The following PCDHA7 variants were observed in gnomAD, a reference collection of about 807,000 sequenced individuals.
PCDHA7 encodes the protein protocadherin alpha 7, also known as protocadherin alpha-7.
In PCDHA7, 37 loss-of-function variants were observed where a neutral mutation model predicts 57.2. That is an observed-to-expected ratio of 0.65 (90% CI 0.50 to 0.85). PCDHA7 has a LOEUF of 0.85. Ranked by LOEUF, PCDHA7 falls within the 40% of genes least tolerant of loss-of-function variation. PCDHA7 has a pLI of 0.00. For missense variants in PCDHA7, 1,188 were observed against 1,241.8 expected (o/e 0.96, Z 0.65); for synonymous variants, 553 against 558.8 (o/e 0.99, Z 0.15).
chr5:140,966,957 C>T lies in PCDHA7; in HGVS notation c.2356-11992C>T, dbSNP rs868948639. 4 of 1,602,884 alleles carry T rather than the reference C, an allele frequency of 2.5e-6. No individual in the cohort carries two copies. The African/African-American group carries it at 4.0e-5, about 16-fold the overall frequency. ...GCGCTCGTGGGCAACGTGGCTCGCG[C>T]GCTGGGGCTTGAGCTGCGGCGCTTG... On this transcript the variant is annotated intron_variant, in intron 1 of 3. Transcript: ENST00000525929.
At chr5:140,859,957 A>G (rs1554152871) in intron 1 of PCDHA7, 1 of 151,974 alleles carries the variant, frequency 6.6e-6, no homozygotes, top group African/African-American at 2.4e-5. Context: ...ATCAATTGTA[A>G]AAGTCTCAGG....
chr5:140,849,924 G>A, intron 1 of PCDHA7: 1 of 1,598,310 alleles, frequency 6.3e-7, no homozygotes, highest in East Asian at 2.2e-5. Context: ...CATCTTCACG[G>A]TGTCTGCGCG....
At chr5:140,881,377 G>A (rs557722479) in intron 1 of PCDHA7, 222 of 984,702 alleles carry the variant, frequency 2.3e-4, no homozygotes, top group Non-Finnish European at 2.4e-4. Flanking sequence ...AATTGCAGCC[G>A]GCGGCGGTAA....
chr5:140,980,834 C>A (rs1424222678), intron 2 of PCDHA7, among the ~76,000 whole-genome samples: 1 of 151,974 alleles, frequency 6.6e-6, no homozygotes, highest in Non-Finnish European at 1.5e-5. Context: ...AGTTGTGAAC[C>A]TAAATAATAC....
rs577872820 is a variant in PCDHA7, at chr5:140,862,061, T to G, written c.2355+25323T>G. Reference sequence around the variant, plus strand: ...AACCGTCACATTGTTTCTTTGCAACTGATGTCTCCCCTAACATAGAAGCCC... The same window carrying G: ...AACCGTCACATTGTTTCTTTGCAACGGATGTCTCCCCTAACATAGAAGCCC... On this transcript the variant is annotated intron_variant, in intron 1 of 3. Coordinates refer to ENST00000525929, the MANE Select transcript of PCDHA7 (RefSeq NM_018910.3). 26 of 155,902 alleles carry G rather than the reference T, an allele frequency of 1.7e-4. No homozygotes were observed. In the South Asian group the frequency reaches 2.8e-3, roughly 17 times the overall value. 9.7% of individuals were successfully genotyped at this position (155,902 alleles called of 1,614,324 possible).
chr5:140,927,293 C>T (rs782386645), intron 1 of PCDHA7: 5 of 1,614,176 alleles, frequency 3.1e-6, no homozygotes, highest in Non-Finnish European at 3.4e-6. Flanking sequence ...CTGCACATCC[C>T]CGAGTTCCTG....
At position 140,857,848 on chromosome 5, in the gene PCDHA7, T is replaced by C. The variant is rs781886791; in HGVS notation, c.2355+21110T>C. The C allele has an allele frequency of 1.4e-5, 23 of 1,597,666 alleles. No homozygotes were observed. The highest frequency in any genetic ancestry group is 1.9e-5 in the Non-Finnish European group (22 of 1,167,550). The stretch of plus-strand genomic sequence containing the variant: ...AGGTGCGCGCAGTGGACGCTGACTC[T>C]GGATACAACGCGTGGCTGTCGTATG... On this transcript the variant is annotated intron_variant, in intron 1 of 3. Coordinates refer to ENST00000525929, the MANE Select transcript of PCDHA7 (RefSeq NM_018910.3).
chr5:140,965,012 C>T (rs1405445486), intron 1 of PCDHA7, among the ~76,000 whole-genome samples: 2 of 152,188 alleles, frequency 1.3e-5, no homozygotes, highest in African/African-American at 4.8e-5. Flanking sequence ...GTCAGGATCA[C>T]AACCTTGGCT....
At chr5:140,895,647 C>A (rs954657912) in intron 1 of PCDHA7, among the ~76,000 whole-genome samples, 2 of 151,996 alleles carry the variant, frequency 1.3e-5, no homozygotes, top group African/African-American at 4.8e-5. Flanking sequence ...TTTTTAGCTC[C>A]CACTTATAAG....
At chr5:140,927,290 T>C in intron 1 of PCDHA7, 1 of 1,614,054 alleles carries the variant, frequency 6.2e-7, no homozygotes, top group South Asian at 1.1e-5. Flanking sequence ...CAGCTGCACA[T>C]CCCCGAGTTC....
rs2098422926 is a variant in PCDHA7 at position 141,012,085 on chromosome 5, G to A, written c.*2148G>A. The A allele has an allele frequency of 1.3e-5, 2 of 153,740 alleles. No homozygotes were observed. Among genetic ancestry groups the A allele is most frequent in the Admixed American group, 1.3e-4 (2 of 15,280 alleles). 9.5% of individuals were successfully genotyped at this position (153,740 alleles called of 1,614,324 possible). A position where few individuals can be genotyped will look rare whatever the true frequency, so the allele number is the denominator to read the frequency against. ...ACATGTGAACCATTGCTACATTGTAGGTTGTGATCATTTTGCCCCACTGAA... is the reference window on the plus strand; with the variant it reads ...ACATGTGAACCATTGCTACATTGTAAGTTGTGATCATTTTGCCCCACTGAA... On this transcript the variant is annotated 3_prime_UTR_variant, in exon 4 of 4. Coordinates refer to ENST00000525929, the MANE Select transcript of PCDHA7 (RefSeq NM_018910.3).
chr5:140,858,834 A>T, intron 1 of PCDHA7: 1 of 322,932 alleles, frequency 3.1e-6, no homozygotes, highest in Non-Finnish European at 5.8e-6. Context: ...CATTACCAAA[A>T]AATTCCACTG....
At chr5:140,925,141 A>G (rs1287522151) in intron 1 of PCDHA7, among the ~76,000 whole-genome samples, 1 of 151,690 alleles carries the variant, frequency 6.6e-6, no homozygotes, top group Non-Finnish European at 1.5e-5. Context: ...TTTCAAACAT[A>G]CACAAAAGTT....
At chr5:140,958,495 C>A (rs559117374) in intron 1 of PCDHA7, among the ~76,000 whole-genome samples, 1 of 152,020 alleles carries the variant, frequency 6.6e-6, no homozygotes, top group Non-Finnish European at 1.5e-5. Flanking sequence ...TCCACATATC[C>A]TAGGAGGCAT....
At chr5:140,906,045 T>C (rs1002159774) in intron 1 of PCDHA7, among the ~76,000 whole-genome samples, 3 of 152,194 alleles carry the variant, frequency 2.0e-5, no homozygotes, top group African/African-American at 7.2e-5. Flanking sequence ...GCTTTTATTC[T>C]GGCTGCACTG....
At chr5:140,937,238 C>T (rs1339814732) in intron 1 of PCDHA7, among the ~76,000 whole-genome samples, 1 of 151,920 alleles carries the variant, frequency 6.6e-6, no homozygotes, top group Admixed American at 6.6e-5. Flanking sequence ...GGGGTTTCAC[C>T]GTGTTAGCCA....
chr5:140,911,666 C>G (rs2075593137), intron 1 of PCDHA7, among the ~76,000 whole-genome samples: 1 of 152,168 alleles, frequency 6.6e-6, no homozygotes, highest in East Asian at 1.9e-4. Flanking sequence ...AACTCCTTGC[C>G]TCTCACGAAC....
At position 140,853,959 on chromosome 5, in the gene PCDHA7, G is replaced by A. The variant is rs2042923125; in HGVS notation, c.2355+17221G>A. 2.7e-6 allele frequency: 2 copies of A among 736,852 alleles called. 1 individual carries two copies. The highest frequency in any genetic ancestry group is 3.4e-6 in the Non-Finnish European group (2 of 589,618). The allele number at this position is 736,852 out of a possible 1,614,324, so 45.6% of individuals were successfully genotyped here. On this transcript the variant is annotated intron_variant, in intron 1 of 3. Transcript: ENST00000525929. ...CAAGGTGGGAGGGTCCCTTCCTTGA[G>A]CCCAGCAGTTTGAGACCAATGTAGT...
chr5:141,009,595 C>G (rs781807814), intron 3 of PCDHA7, 32 bp from the exon 4 acceptor site: 1 of 1,604,124 alleles, frequency 6.2e-7, no homozygotes, highest in Non-Finnish European at 8.5e-7. Flanking sequence ...TGTGTTGACC[C>G]TGTTAATGAT....
Sources: gnomAD v4.1 joint callset for allele counts (sites outside exome capture counted in the v4.1 genomes callset) on GRCh38, gnomAD v4.1.1 for gene constraint, MANE v1.5 for transcripts, NCBI Gene and HGNC (gene_info 2026-07-23, HGNC 2026-07-21) for gene names.